ADCY1: variants seen among roughly 807,000 people sequenced by gnomAD.
The protein encoded by ADCY1 is adenylate cyclase 1.
In ADCY1, 28 loss-of-function variants were observed where a neutral mutation model predicts 105.4. The observed-to-expected ratio is 0.27, with a 90% CI of 0.20 to 0.36. The LOEUF (loss-of-function observed/expected upper bound fraction) is 0.36, where lower values mean the gene tolerates loss of function less well. Ranked by LOEUF, ADCY1 falls within the 10% of genes least tolerant of loss-of-function variation. The probability of loss-of-function intolerance (pLI) is 1.00; values close to 1 mark genes in which losing one functional copy is unlikely to be tolerated. For missense variants in ADCY1, 977 were observed against 1,434.2 expected (o/e 0.68, Z 5.15); for synonymous variants, 655 against 623.8 (o/e 1.05, Z -0.75).
intron 8 of ADCY1, among the ~76,000 whole-genome samples, chr7:45,665,925 T>C (rs6463295): frequency 0.037 from 5,587 of 152,234 alleles, 121 homozygotes; most frequent in East Asian, 0.065. Context: ...AGCCTAGGGG[T>C]ATTTCTTTGT....
chr7:45,620,242 G>A (rs1793854422), intron 3 of ADCY1, among the ~76,000 whole-genome samples: 1 of 152,124 alleles, frequency 6.6e-6, no homozygotes, highest in South Asian at 2.1e-4. Context: ...GGTCTTGGGG[G>A]AGGAAGAAAT....
At chr7:45,694,089 C>T (rs1160167573) in intron 14 of ADCY1, among the ~76,000 whole-genome samples, 1 of 102,884 alleles carries the variant, frequency 9.7e-6, no homozygotes, top group African/African-American at 3.8e-5. Context: ...ACAATGTGCA[C>T]ATGTACCCTA....
chr7:45,673,196 A>AT (rs35996092), intron 8 of ADCY1, among the ~76,000 whole-genome samples: 24,710 of 151,662 alleles, frequency 0.16, 2,284 homozygotes, highest in African/African-American at 0.24. Flanking sequence ...ATTTTGTTAG[A>AT]TTTTTTTTAT....
chr7:45,660,965 T>C (rs1795084404), intron 7 of ADCY1, among the ~76,000 whole-genome samples: 2 of 144,246 alleles, frequency 1.4e-5, no homozygotes, highest in Admixed American at 1.4e-4. Flanking sequence ...AGGTGAGATG[T>C]TCAGGGCTTA....
intron 4 of ADCY1, among the ~76,000 whole-genome samples, chr7:45,646,856 AC>A (rs1483028854): frequency 6.6e-6 from 1 of 152,132 alleles, no homozygotes; most frequent in East Asian, 1.9e-4. Context: ...TTGTACTGTC[AC>A]CAGCCTCTCT....
In ADCY1 at chr7:45,662,059, A is replaced by T. The variant is rs1247050201; in HGVS notation, c.1450A>T (p.Ile484Leu). The stretch of plus-strand genomic sequence containing the variant: ...CCTTGCCCCTTGTGTGTTTGGACAG[A>T]TATTTCCAGGCCTGATTCTCTCAGA... ...FFIVPSHRRK[I>L]FPGLILSDIK... Residue 484 changes from isoleucine (I) to leucine (L), a missense_variant and splice_region_variant, in exon 8 of 20, where the codon ATA becomes TTA. Coordinates refer to ENST00000297323, the MANE Select transcript of ADCY1 (RefSeq NM_021116.4). The T allele has an allele frequency of 6.2e-7, 1 of 1,613,632 alleles. No individual in the cohort carries two copies. Among genetic ancestry groups the T allele is most frequent in the Non-Finnish European group, 8.5e-7 (1 of 1,179,770 alleles).
chr7:45,587,429 A>C (rs1792763876), intron 1 of ADCY1, among the ~76,000 whole-genome samples: 2 of 152,116 alleles, frequency 1.3e-5, no homozygotes, highest in Admixed American at 1.3e-4. Flanking sequence ...GGGTTGTGTC[A>C]GGCGGTGGGG....
At position 45,713,874 on chromosome 7, in the gene ADCY1, C is replaced by T. The variant is rs757148044; in HGVS notation, c.3239C>T (p.Ala1080Val). Residue 1080 changes from alanine to valine, a missense_variant, in exon 20 of 20, where the codon GCT (alanine) becomes GTT (valine). By Grantham distance (64) the Ala-to-Val change is moderately conservative. Around this residue, in one of 7 missense-constraint regions of ADCY1, gnomAD observed 78 missense variants for 60.0 expected, o/e 1.30. Coordinates refer to ENST00000297323, the MANE Select transcript of ADCY1 (RefSeq NM_021116.4). The part of the protein sequence containing the change: ...LDRKMCPFGR[A>V]GLQGRRPPVC... Reference sequence around the variant, plus strand: ...CGGAAAATGTGTCCATTTGGGAGAGCTGGCCTTCAGGGCAGACGTCCCCCC... The same window carrying T: ...CGGAAAATGTGTCCATTTGGGAGAGTTGGCCTTCAGGGCAGACGTCCCCCC... The T allele has an allele frequency of 9.0e-6, 7 of 780,808 alleles. No individual in the cohort carries two copies. The highest frequency in any genetic ancestry group is 1.4e-5 in the Non-Finnish European group (6 of 418,144). The allele number at this position is 780,808 out of a possible 1,614,324, so 48.4% of individuals were successfully genotyped here. A position where few individuals can be genotyped will look rare whatever the true frequency, so the allele number is the denominator to read the frequency against.
Position 45,617,813 on chromosome 7 carries a change from A to T in ADCY1, c.909-4819A>T, listed in dbSNP as rs562233536. Among the ~76,000 whole-genome samples the T allele has an allele frequency of 2.6e-5, 4 of 152,350 alleles. No individual in the cohort carries two copies. The East Asian group carries it at 7.7e-4, about 29-fold the overall frequency. On this transcript the variant is annotated intron_variant, in intron 3 of 19. Transcript: ENST00000297323. The stretch of plus-strand genomic sequence containing the variant: ...TAAAATGACTGTAATACCCAAAGTG[A>T]TCTACAGATTCAGTGCAATCTCTAT...
In ADCY1 at chr7:45,662,300, T is replaced by A. The variant is rs939181841; in HGVS notation, c.1605+86T>A. 1.6e-5 allele frequency: 23 copies of A among 1,431,604 alleles called. No homozygotes were observed. The African/African-American group carries it at 3.1e-4, about 19-fold the overall frequency. 88.7% of individuals were successfully genotyped at this position (1,431,604 alleles called of 1,614,324 possible). A position where few individuals can be genotyped will look rare whatever the true frequency, so the allele number is the denominator to read the frequency against. ...CTCCCAATATGGCCCCCGTGCCATT[T>A]GGCTAGATCAGAATTCCCTGTTCAC... On this transcript the variant is annotated intron_variant, in intron 8 of 19. Transcript: ENST00000297323.
At chr7:45,638,291 C>A in intron 4 of ADCY1, among the ~76,000 whole-genome samples, 1 of 152,060 alleles carries the variant, frequency 6.6e-6, no homozygotes, top group East Asian at 1.9e-4. Context: ...TTTTTGGATT[C>A]TTTTCCTTTC....
Position 45,610,465 on chromosome 7 carries a change from C to T in ADCY1, c.876C>T (p.His292=). The change falls in exon 3 of 20, where the codon CAC becomes CAT. Residue 292 remains histidine, a synonymous_variant. Transcript: ENST00000297323. ...DFLKPPERIF[H]KIYIQRHDNV... ...TGAAGCCCCCTGAGAGGATTTTCCA[C>T]AAGATTTACATCCAGAGGCACGACA... The T allele has an allele frequency of 6.2e-7, 1 of 1,613,986 alleles. No homozygotes were observed. The highest frequency in any genetic ancestry group is 8.5e-7 in the Non-Finnish European group (1 of 1,179,986).
Position 45,681,865 on chromosome 7 carries a change from A to G in ADCY1, c.1983+2072A>G, listed in dbSNP as rs116899063. Among the ~76,000 whole-genome samples, 811 of 152,250 alleles carry G rather than the reference A, an allele frequency of 5.3e-3. 4 individuals are homozygous for G. The highest frequency in any genetic ancestry group is 9.0e-3 in the Non-Finnish European group (610 of 67,998). On this transcript the variant is annotated intron_variant, in intron 11 of 19. Coordinates refer to ENST00000297323, the MANE Select transcript of ADCY1 (RefSeq NM_021116.4). ...GCAGACGGAGTTAGTTCCAGAACAC[A>G]TCCTTGAGAAGGCCGGGTAGAAATG...
intron 4 of ADCY1, among the ~76,000 whole-genome samples, chr7:45,624,039 T>C (rs773410317): frequency 2.0e-4 from 31 of 152,232 alleles, no homozygotes; most frequent in African/African-American, 4.3e-4. Context: ...GTGAGCTCTG[T>C]TCAGCAAGGC....
At chr7:45,633,835 C>T (rs955703208) in intron 4 of ADCY1, among the ~76,000 whole-genome samples, 1 of 151,104 alleles carries the variant, frequency 6.6e-6, no homozygotes, top group Non-Finnish European at 1.5e-5. Context: ...TAGCAAAAAC[C>T]GTAATTACTT....
rs112562639 is a variant in ADCY1 at position 45,679,989 on chromosome 7, G to T, written c.1983+196G>T. On this transcript the variant is annotated intron_variant, in intron 11 of 19. Coordinates refer to ENST00000297323, the MANE Select transcript of ADCY1 (RefSeq NM_021116.4). ...ATCACCTGGTCCAGGTATGAGGGTGGCCTCTGCCTGCCCTCTGGGTGGGAT... is the reference window on the plus strand; with the variant it reads ...ATCACCTGGTCCAGGTATGAGGGTGTCCTCTGCCTGCCCTCTGGGTGGGAT... Among the ~76,000 whole-genome samples the T allele has an allele frequency of 7.1e-4, 107 of 151,024 alleles. 1 individual carries two copies. The highest frequency in any genetic ancestry group is 2.3e-3 in the African/African-American group (96 of 41,382).
At chr7:45,617,911 T>A (rs1462396294) in intron 3 of ADCY1, among the ~76,000 whole-genome samples, 1 of 152,172 alleles carries the variant, frequency 6.6e-6, no homozygotes, top group East Asian at 1.9e-4. Flanking sequence ...CAGAAGACCC[T>A]GAATAGCCAA....
chr7:45,576,192 A>G, intron 1 of ADCY1, among the ~76,000 whole-genome samples: 1 of 152,132 alleles, frequency 6.6e-6, no homozygotes, highest in South Asian at 2.1e-4. Context: ...AACTGGGGAG[A>G]GGTAAGGGGT....
intron 4 of ADCY1, among the ~76,000 whole-genome samples, chr7:45,644,888 A>AGT (rs1794618914): frequency 6.6e-6 from 1 of 152,176 alleles, no homozygotes; most frequent in Non-Finnish European, 1.5e-5. Flanking sequence ...CATTTGTCCT[A>AGT]AGCTGTCTCC....
Sources: gnomAD v4.1 joint callset for allele counts (sites outside exome capture counted in the v4.1 genomes callset) on GRCh38, gnomAD v4.1.1 for gene constraint, gnomAD v4.1.1 regional missense constraint, MANE v1.5 for transcripts, NCBI Gene and HGNC (gene_info 2026-07-23, HGNC 2026-07-21) for gene names.